The following CFAP299 variants were observed in gnomAD, a reference collection of about 807,000 sequenced individuals.
CFAP299 encodes cilia- and flagella-associated protein 299.
Under a neutral mutation model 27.0 loss-of-function variants are expected in CFAP299, and 21 were observed. The observed-to-expected ratio is 0.78, with a 90% CI of 0.55 to 1.12. CFAP299 has a LOEUF of 1.12. Ranked by LOEUF, CFAP299 falls within the 50% of genes most tolerant of loss-of-function variation. The pLI, the probability that CFAP299 is intolerant of heterozygous loss-of-function variation, is 0.00. For synonymous variants in CFAP299, 104 were observed against 98.1 expected (o/e 1.06, Z -0.36); for missense variants, 310 against 276.6 (o/e 1.12, Z -0.86).
At chr4:80,801,732 A>G (rs1284447293) in intron 3 of CFAP299, among the ~76,000 whole-genome samples, 1 of 152,082 alleles carries the variant, frequency 6.6e-6, no homozygotes, top group Non-Finnish European at 1.5e-5. Flanking sequence ...AAGATAAAGA[A>G]AAACAAAATA....
At chr4:80,516,789 G>A (rs1274621757) in intron 2 of CFAP299, among the ~76,000 whole-genome samples, 1 of 152,118 alleles carries the variant, frequency 6.6e-6, no homozygotes, top group African/African-American at 2.4e-5. Context: ...CCATCTTAAA[G>A]CTTGTGAGGA....
intron 4 of CFAP299, chr4:80,872,933 T>TC: frequency 1.0e-6 from 1 of 964,526 alleles, no homozygotes; most frequent in Non-Finnish European, 1.2e-6. Flanking sequence ...TTTTTTTTTT[T>TC]CATTGATTTT....
At chr4:80,473,574 A>AG (rs1228378697) in intron 2 of CFAP299, among the ~76,000 whole-genome samples, 2 of 151,812 alleles carry the variant, frequency 1.3e-5, no homozygotes, top group African/African-American at 2.4e-5. Flanking sequence ...TTAAAAAAAA[A>AG]TAGATTTTTT....
chr4:80,365,996 C>T (rs971525519), intron 2 of CFAP299, among the ~76,000 whole-genome samples: 1 of 152,202 alleles, frequency 6.6e-6, no homozygotes, highest in African/African-American at 2.4e-5. Flanking sequence ...GCCCTTTCAT[C>T]TGCAGATCTT....
At chr4:80,572,977 G>A (rs563457194) in intron 2 of CFAP299, among the ~76,000 whole-genome samples, 11 of 152,202 alleles carry the variant, frequency 7.2e-5, no homozygotes, top group Middle Eastern at 3.4e-3. Flanking sequence ...TTCGTTTTGG[G>A]TATAGGCTTA....
At chr4:80,487,587 GTTA>G (rs2110134138) in intron 2 of CFAP299, among the ~76,000 whole-genome samples, 1 of 152,228 alleles carries the variant, frequency 6.6e-6, no homozygotes, top group South Asian at 2.1e-4. Flanking sequence ...AAGCATTTTG[GTTA>G]TTAACATCAG....
intron 2 of CFAP299, among the ~76,000 whole-genome samples, chr4:80,483,893 T>C (rs569193566): frequency 2.6e-5 from 4 of 152,314 alleles, no homozygotes; most frequent in East Asian, 1.9e-4. Flanking sequence ...TCAGTGCCAA[T>C]TGTAACATTT....
chr4:80,563,661 A>G (rs1735145938), intron 2 of CFAP299, among the ~76,000 whole-genome samples: 1 of 152,066 alleles, frequency 6.6e-6, no homozygotes, highest in African/African-American at 2.4e-5. Flanking sequence ...GAGCAAACCA[A>G]ATCCAAAATT....
intron 3 of CFAP299, among the ~76,000 whole-genome samples, chr4:80,800,142 A>C (rs1216879744): frequency 3.3e-5 from 2 of 61,418 alleles, no homozygotes; most frequent in Non-Finnish European, 5.2e-5. Context: ...ATATTATATA[A>C]ATATATTTAT....
chr4:80,347,916 A>ACAGTAAC (rs1722822048), intron 1 of CFAP299, among the ~76,000 whole-genome samples: 1 of 152,248 alleles, frequency 6.6e-6, no homozygotes, highest in African/African-American at 2.4e-5. Flanking sequence ...TGATAATGAT[A>ACAGTAAC]CAAAACCAGA....
At chr4:80,868,905 C>CTCTCTCTGTGTGTGTG (rs1435285713) in intron 3 of CFAP299, among the ~76,000 whole-genome samples, 1 of 137,574 alleles carries the variant, frequency 7.3e-6, no homozygotes, top group African/African-American at 2.8e-5. Flanking sequence ...GCTTCTCTCT[C>CTCTCTCTGTGTGTGTG]TGTGTGTGTG....
chr4:80,469,911 C>T (rs1335594803), intron 2 of CFAP299, among the ~76,000 whole-genome samples: 1 of 151,992 alleles, frequency 6.6e-6, no homozygotes, highest in African/African-American at 2.4e-5. Context: ...GCTCCTCATA[C>T]TTTTTTTGTC....
At chr4:80,369,005 G>T (rs372763729) in intron 2 of CFAP299, among the ~76,000 whole-genome samples, 2 of 152,188 alleles carry the variant, frequency 1.3e-5, no homozygotes, top group Admixed American at 6.5e-5. Context: ...CAGGGTCAGA[G>T]CCCTAACCTC....
intron 2 of CFAP299, among the ~76,000 whole-genome samples, chr4:80,397,344 T>C (rs1230653258): frequency 6.6e-6 from 1 of 152,168 alleles, no homozygotes; most frequent in Non-Finnish European, 1.5e-5. Flanking sequence ...CCTGGATTCA[T>C]TGATTTTTTG....
At position 80,929,087 on chromosome 4, in the gene CFAP299, A is replaced by G. The variant is rs73831213; in HGVS notation, c.477-15723A>G. On this transcript the variant is annotated intron_variant, in intron 4 of 5. Transcript: ENST00000358105. ...AAATTTCCGTTCATAGAAACTGCAG[A>G]CACTGACAAGGTGTTTCTTTCTAAC... is the stretch of plus-strand genomic sequence containing the variant. Among the ~76,000 whole-genome samples the G allele has an allele frequency of 7.7e-3, 1,176 of 152,268 alleles. 3 individuals are homozygous for G. The highest frequency in any genetic ancestry group is 0.014 in the Middle Eastern group (4 of 294).
chr4:80,858,166 T>G (rs1052308515), intron 3 of CFAP299, among the ~76,000 whole-genome samples: 1 of 152,244 alleles, frequency 6.6e-6, no homozygotes, highest in Non-Finnish European at 1.5e-5. Flanking sequence ...ATTTATCCAT[T>G]TCTTCTAGAT....
At chr4:80,771,465 TCATAA>T (rs1726213003) in intron 3 of CFAP299, among the ~76,000 whole-genome samples, 1 of 150,962 alleles carries the variant, frequency 6.6e-6, no homozygotes, top group Non-Finnish European at 1.5e-5. Context: ...TTGAATAAAA[TCATAA>T]CATGTTCTCA....
intron 4 of CFAP299, among the ~76,000 whole-genome samples, chr4:80,914,074 C>T (rs546204272): frequency 5.9e-5 from 9 of 152,234 alleles, no homozygotes; most frequent in Non-Finnish European, 1.3e-4. Context: ...AGATATGCCA[C>T]GATTTGTTCA....
At chr4:80,797,100 A>G (rs936500795) in intron 3 of CFAP299, among the ~76,000 whole-genome samples, 3 of 152,162 alleles carry the variant, frequency 2.0e-5, no homozygotes, top group African/African-American at 2.4e-5. Flanking sequence ...GATCAATGTC[A>G]TCTCAGAGTC....
Sources: gnomAD v4.1 joint callset for allele counts (sites outside exome capture counted in the v4.1 genomes callset) on GRCh38, gnomAD v4.1.1 for gene constraint, MANE v1.5 for transcripts, NCBI Gene and HGNC (gene_info 2026-07-23, HGNC 2026-07-21) for gene names.